ADCY9: variants seen among roughly 807,000 people sequenced by gnomAD.
The protein encoded by ADCY9 is adenylate cyclase 9, also known as adenylate cyclase type 9.
A neutral mutation model predicts 101.5 loss-of-function variants in ADCY9; 50 were observed. The observed-to-expected ratio is 0.49, with a 90% confidence interval of 0.39 to 0.62. The LOEUF is 0.62. Ranked by LOEUF, ADCY9 falls within the 20% of genes least tolerant of loss-of-function variation. ADCY9 has a pLI of 0.00. For synonymous variants in ADCY9, 905 were observed against 769.3 expected (o/e 1.18, Z -2.92); for missense variants, 1,662 against 1,800.4 (o/e 0.92, Z 1.39).
intron 2 of ADCY9, among the ~76,000 whole-genome samples, chr16:4,055,530 T>C (rs1287318888): frequency 6.9e-6 from 1 of 144,784 alleles, no homozygotes; most frequent in East Asian, 2.0e-4. Flanking sequence ...CAAGACTCTG[T>C]CTCAAAAAGG....
At chr16:4,066,386 C>T (rs902226991) in intron 2 of ADCY9, among the ~76,000 whole-genome samples, 6 of 152,118 alleles carry the variant, frequency 3.9e-5, no homozygotes, top group South Asian at 2.1e-4. Context: ...AGTGATTTTA[C>T]CTTTACCTAT....
chr16:4,112,282 G>C (rs1167771541), intron 2 of ADCY9, among the ~76,000 whole-genome samples: 2 of 152,210 alleles, frequency 1.3e-5, no homozygotes, highest in Non-Finnish European at 2.9e-5. Context: ...TTCTGACCTT[G>C]TTAACATAGT....
chr16:4,045,512 T>C (rs772493457), intron 2 of ADCY9, among the ~76,000 whole-genome samples: 18 of 145,096 alleles, frequency 1.2e-4, no homozygotes, highest in Non-Finnish European at 1.8e-4. Flanking sequence ...GGAGAATTGC[T>C]TGAATCCAGG....
chr16:3,968,906 C>T (rs879460374), intron 10 of ADCY9, among the ~76,000 whole-genome samples: 17 of 151,908 alleles, frequency 1.1e-4, no homozygotes, highest in South Asian at 6.2e-4. Context: ...AGTGCAGTGG[C>T]GTGATCTCGC....
At position 3,993,208 on chromosome 16, in the gene ADCY9, G is replaced by C. The variant is rs975066433; in HGVS notation, c.1989+198C>G. On this transcript the variant is annotated intron_variant, in intron 4 of 10. Coordinates refer to ENST00000294016, the MANE Select transcript of ADCY9 (RefSeq NM_001116.4). Reference sequence around the variant, plus strand: ...CGCCCAGCTCAGCCCCTGAGCGCTGGTTTCCACGTGGGTTGCTGCTGACCC... The same window carrying C: ...CGCCCAGCTCAGCCCCTGAGCGCTGCTTTCCACGTGGGTTGCTGCTGACCC... 8.3e-5 allele frequency: 75 copies of C among 903,506 alleles called. No homozygotes were observed. In the African/African-American group the frequency reaches 1.0e-3, roughly 12 times the overall value. The allele number at this position is 903,506 out of a possible 1,614,324, so 56.0% of individuals were successfully genotyped here. A position where few individuals can be genotyped will look rare whatever the true frequency, so the allele number is the denominator to read the frequency against.
At chr16:3,973,536 A>G (rs1274046308) in intron 10 of ADCY9, among the ~76,000 whole-genome samples, 1 of 150,650 alleles carries the variant, frequency 6.6e-6, no homozygotes, top group Non-Finnish European at 1.5e-5. Flanking sequence ...TCTTGCTGTG[A>G]CAACCAGGCT....
rs796466403 is a variant in ADCY9, at chr16:3,965,354, CAG to C, written c.*419_*420del. The C allele has an allele frequency of 3.3e-4, 66 of 202,128 alleles. No homozygotes were observed. The highest frequency in any genetic ancestry group is 1.4e-3 in the African/African-American group (62 of 42,874). The allele number at this position is 202,128 out of a possible 1,614,324, so 12.5% of individuals were successfully genotyped here. ...GACAGAAACAAAATAAACTCAAAAA[CAG>C]GGTATTAGCCAGAGAACCGAAAATA... On this transcript the variant is annotated 3_prime_UTR_variant, in exon 11 of 11. Coordinates refer to ENST00000294016, the MANE Select transcript of ADCY9 (RefSeq NM_001116.4).
Position 4,080,793 on chromosome 16 carries a change from G to A in ADCY9, c.1693+32957C>T, listed in dbSNP as rs972339867. The stretch of plus-strand genomic sequence containing the variant: ...CATGGCAACCAAGGTCCCGTAGAGA[G>A]CACTTTTTCCCCCTTGCCTCTTCTT... On this transcript the variant is annotated intron_variant, in intron 2 of 10. Coordinates refer to ENST00000294016, the MANE Select transcript of ADCY9 (RefSeq NM_001116.4). Among the ~76,000 whole-genome samples, 3 of 149,890 alleles carry A rather than the reference G, an allele frequency of 2.0e-5. No individual in the cohort carries two copies. In the Admixed American group the frequency reaches 2.0e-4, roughly 10 times the overall value.
intron 3 of ADCY9, among the ~76,000 whole-genome samples, chr16:3,998,601 A>G (rs2531974): frequency 0.47 from 70,296 of 148,326 alleles, 16,710 homozygotes; most frequent in Admixed American, 0.59. Context: ...TTCAGCTACT[A>G]GGGAGGCTGA....
intron 2 of ADCY9, among the ~76,000 whole-genome samples, chr16:4,081,413 C>T (rs948505816): frequency 6.6e-6 from 1 of 152,242 alleles, no homozygotes; most frequent in Non-Finnish European, 1.5e-5. Flanking sequence ...TCCTGCAGAA[C>T]AGCTAATGCT....
At chr16:3,998,004 G>C (rs888731983) in intron 3 of ADCY9, among the ~76,000 whole-genome samples, 5 of 152,156 alleles carry the variant, frequency 3.3e-5, no homozygotes, top group Non-Finnish European at 7.4e-5. Context: ...TGAGGCAGGA[G>C]AGTCGCTTGG....
chr16:3,962,621 C>T (rs1456567108), downstream of ADCY9: 2 of 152,276 alleles, frequency 1.3e-5, no homozygotes, highest in Non-Finnish European at 2.9e-5. Context: ...CAGTGCTCAT[C>T]TTTTCAATAA....
intron 10 of ADCY9, among the ~76,000 whole-genome samples, chr16:3,968,362 C>T (rs1406159997): frequency 2.6e-5 from 4 of 152,014 alleles, no homozygotes; most frequent in Non-Finnish European, 4.4e-5. Flanking sequence ...AAACTCCCGA[C>T]CTCAGGTGAT....
Position 3,966,322 on chromosome 16 carries a change from A to G in ADCY9, c.3515T>C (p.Leu1172Pro). The G allele has an allele frequency of 6.2e-7, 1 of 1,614,012 alleles. No individual in the cohort carries two copies. The highest frequency in any genetic ancestry group is 8.5e-7 in the Non-Finnish European group (1 of 1,180,030). ...GGTGGTGCCGATGACCCCGGCCGTGAGGGGCCCATGGTTGAAGCCGACGCG... is the reference window on the plus strand; with the variant it reads ...GGTGGTGCCGATGACCCCGGCCGTGGGGGGCCCATGGTTGAAGCCGACGCG... ...KLRVGFNHGP[L>P]TAGVIGTTKL... Residue 1172 changes from leucine (L) to proline (P), a missense_variant, in exon 11 of 11, where the codon CTC (leucine) becomes CCC (proline). Transcript: ENST00000294016.
intron 2 of ADCY9, among the ~76,000 whole-genome samples, chr16:4,055,497 G>A (rs1329851382): frequency 1.3e-5 from 2 of 150,762 alleles, no homozygotes; most frequent in Admixed American, 6.6e-5. Flanking sequence ...TCAGGCCATT[G>A]TACTCCAGCC....
At chr16:4,007,903 C>T (rs887228469) in intron 2 of ADCY9, among the ~76,000 whole-genome samples, 1 of 152,126 alleles carries the variant, frequency 6.6e-6, no homozygotes, top group Non-Finnish European at 1.5e-5. Context: ...ATTGGTTGAC[C>T]CTAGACACTG....
rs565503189 is a variant in ADCY9, at chr16:4,063,699, G to A, written c.1693+50051C>T. Among the ~76,000 whole-genome samples the A allele has an allele frequency of 2.1e-4, 31 of 148,420 alleles. 1 individual carries two copies. The highest frequency in any genetic ancestry group is 1.2e-3 in the Admixed American group (18 of 14,906). The stretch of plus-strand genomic sequence containing the variant: ...TGCACTCCAGCCTGGGCCACGGGGC[G>A]AGATCATGTCTCAAAAAAAAAAAAC... On this transcript the variant is annotated intron_variant, in intron 2 of 10. Coordinates refer to ENST00000294016, the MANE Select transcript of ADCY9 (RefSeq NM_001116.4).
intron 2 of ADCY9, among the ~76,000 whole-genome samples, chr16:4,025,231 G>A (rs2056506437): frequency 6.6e-6 from 1 of 152,078 alleles, no homozygotes. Context: ...AAATTAGCCA[G>A]GCATGGTGGT....
At chr16:4,061,966 G>C (rs947751877) in intron 2 of ADCY9, among the ~76,000 whole-genome samples, 1 of 152,186 alleles carries the variant, frequency 6.6e-6, no homozygotes, top group African/African-American at 2.4e-5. Flanking sequence ...GATAGACATA[G>C]ACATTTAATG....
Sources: allele counts gnomAD v4.1 joint callset (sites outside exome capture counted in the v4.1 genomes callset), GRCh38; gene constraint gnomAD v4.1.1; transcripts MANE v1.5; gene names NCBI Gene and HGNC (gene_info 2026-07-23, HGNC 2026-07-21).